The following ITK variants were observed in gnomAD, a reference collection of about 807,000 sequenced individuals.
ITK encodes tyrosine-protein kinase ITK/TSK.
In ITK, 45 loss-of-function variants were observed where a neutral mutation model predicts 87.6. That is an observed-to-expected ratio of 0.51 (90% CI 0.40 to 0.66). The LOEUF (loss-of-function observed/expected upper bound fraction) is 0.66, where lower values mean the gene tolerates loss of function less well. ITK is among the 30% of genes least tolerant of loss of function. The pLI, the probability that ITK is intolerant of heterozygous loss-of-function variation, is 0.00. For synonymous variants in ITK, 303 were observed against 273.6 expected, an observed-to-expected ratio of 1.11 and a Z score of -1.06; for missense variants, 605 against 766.3, an observed-to-expected ratio of 0.79 and a Z score of 2.48.
chr5:157,191,362 A>G (rs1753751089), intron 1 of ITK, among the ~76,000 whole-genome samples: 1 of 152,062 alleles, frequency 6.6e-6, no homozygotes, highest in Non-Finnish European at 1.5e-5. Flanking sequence ...GAGCTCAGAT[A>G]GACAGTAGCA....
At chr5:157,184,714 T>C (rs1753607029) in intron 1 of ITK, among the ~76,000 whole-genome samples, 1 of 152,216 alleles carries the variant, frequency 6.6e-6, no homozygotes. Context: ...CAAGTGATGT[T>C]GAGTATTTCA....
chr5:157,246,184 T>C (rs1297221002), intron 15 of ITK, among the ~76,000 whole-genome samples, 185 bp downstream of exon 15: 1 of 152,220 alleles, frequency 6.6e-6, no homozygotes, highest in South Asian at 2.1e-4. Context: ...TGTTTGTTTT[T>C]AGAGATACTG....
At chr5:157,205,294 T>A (rs1324015301) in intron 1 of ITK, among the ~76,000 whole-genome samples, 1 of 152,152 alleles carries the variant, frequency 6.6e-6, no homozygotes, top group African/African-American at 2.4e-5. Context: ...GGCAGAGACC[T>A]ACTTTAAACA....
rs30119 is a variant in ITK at position 157,240,436 on chromosome 5, C to A, written c.985+241C>A. 419,178 of 561,766 alleles carry A rather than the reference C, an allele frequency of 0.75. 158,108 individuals carry two copies. The highest frequency in any genetic ancestry group is 0.98 in the East Asian group (31,549 of 32,292). 34.8% of individuals were successfully genotyped at this position (561,766 alleles called of 1,614,324 possible). A position where few individuals can be genotyped will look rare whatever the true frequency, so the allele number is the denominator to read the frequency against. ...CTGAAAGCAACCCCCTGCCACATCC[C>A]TCCATGGATAAACTGTCTTCCACAA... is the stretch of plus-strand genomic sequence containing the variant. On this transcript the variant is annotated intron_variant, in intron 10 of 16. Coordinates refer to ENST00000422843, the MANE Select transcript of ITK (RefSeq NM_005546.4).
rs139627352 is a variant in ITK, at chr5:157,189,767, G to A, written c.138+8652G>A. Among the ~76,000 whole-genome samples the A allele has an allele frequency of 2.0e-5, 3 of 152,332 alleles. No homozygotes were observed. The East Asian group carries it at 5.8e-4, about 29-fold the overall frequency. ...ACAAGACATGTAAATATCAAACGTG[G>A]AAATCGTGTCTACAAAAAACTATTT... On this transcript the variant is annotated intron_variant, in intron 1 of 16. Coordinates refer to ENST00000422843, the MANE Select transcript of ITK (RefSeq NM_005546.4).
chr5:157,216,521 G>T (rs1754302179), intron 4 of ITK, among the ~76,000 whole-genome samples: 1 of 152,094 alleles, frequency 6.6e-6, no homozygotes, highest in Non-Finnish European at 1.5e-5. Context: ...ACTTGTATGG[G>T]TCTGGGAAGC....
chr5:157,228,941 C>T (rs1303127520), intron 7 of ITK, among the ~76,000 whole-genome samples: 9 of 151,990 alleles, frequency 5.9e-5, no homozygotes, highest in African/African-American at 1.7e-4. Context: ...AAGATGTGGG[C>T]GTGTCAGATG....
chr5:157,185,530 G>A (rs552791524), intron 1 of ITK, among the ~76,000 whole-genome samples: 4 of 152,080 alleles, frequency 2.6e-5, no homozygotes, highest in South Asian at 2.1e-4. Context: ...GTGAGCCATC[G>A]CGCCTGGCCT....
chr5:157,210,035 C>T (rs762767881), intron 2 of ITK, among the ~76,000 whole-genome samples: 5 of 151,914 alleles, frequency 3.3e-5, no homozygotes, highest in African/African-American at 7.3e-5. Context: ...AAGTGATTCT[C>T]CTGCCTCAGC....
intron 15 of ITK, among the ~76,000 whole-genome samples, chr5:157,246,233 G>A (rs1194981472): frequency 6.6e-6 from 1 of 152,228 alleles, no homozygotes; most frequent in Admixed American, 6.5e-5. Flanking sequence ...GGAAACAAGA[G>A]TTCTGGTGCC....
chr5:157,204,309 C>T (rs1453645154), intron 1 of ITK, among the ~76,000 whole-genome samples: 1 of 152,198 alleles, frequency 6.6e-6, no homozygotes, highest in East Asian at 1.9e-4. Context: ...GCCTGTAATC[C>T]CAGCACTTTG....
In ITK at chr5:157,209,004, C is replaced by A; in HGVS notation, c.243+11C>A. 1 of 1,554,668 alleles carries A rather than the reference C, an allele frequency of 6.4e-7. No homozygotes were observed. The highest frequency in any genetic ancestry group is 8.9e-7 in the Non-Finnish European group (1 of 1,125,828). ...AAATACCCGTTTCAGGTAAGTCCAT[C>A]AGGTGGGTAGTTCCCCATTCCCTGG... On this transcript the variant is annotated intron_variant, in intron 2 of 16. Transcript: ENST00000422843.
chr5:157,220,258 A>AGAGTGAAG (rs1161815151), intron 5 of ITK, among the ~76,000 whole-genome samples: 3 of 152,190 alleles, frequency 2.0e-5, no homozygotes, highest in Non-Finnish European at 4.4e-5. Context: ...ATCCATGGTC[A>AGAGTGAAG]GAGTGAAGGA....
chr5:157,213,341 A>G (rs927663890), intron 3 of ITK, among the ~76,000 whole-genome samples: 5 of 152,230 alleles, frequency 3.3e-5, no homozygotes, highest in Admixed American at 1.3e-4. Flanking sequence ...CGCAGGAATC[A>G]TGGAGATTAC....
chr5:157,214,327 AC>A lies in ITK; in HGVS notation c.454+9del, dbSNP rs768053367. The A allele has an allele frequency of 6.2e-7, 1 of 1,612,144 alleles. No homozygotes were observed. The highest frequency in any genetic ancestry group is 1.3e-5 in the African/African-American group (1 of 74,896). ...ATGATCCAACCAAGAATGGTAAGAGACTGGGAATTCCCTCTAGTTTTTGTGA... is the reference window on the plus strand; with the variant it reads ...ATGATCCAACCAAGAATGGTAAGAGATGGGAATTCCCTCTAGTTTTTGTGA... On this transcript the variant is annotated intron_variant, in intron 4 of 16. Transcript: ENST00000422843.
At position 157,248,879 on chromosome 5, in the gene ITK, G is replaced by A; in HGVS notation, c.1663G>A (p.Gly555Ser). The A allele has an allele frequency of 6.2e-7, 1 of 1,613,988 alleles. No individual in the cohort carries two copies. Among genetic ancestry groups the A allele is most frequent in the African/African-American group, 1.3e-5 (1 of 75,032 alleles). The change falls in exon 16 of 17, where the codon GGC becomes AGC. Residue 555 changes from glycine to serine, a missense_variant. Gly to Ser is a moderately conservative substitution (Grantham distance 56). Transcript: ENST00000422843. The stretch of plus-strand genomic sequence containing the variant: ...GCTGATGTGGGAAGTTTTCAGTGAA[G>A]GCAAAATCCCGTATGAAAACCGAAG... ...GVLMWEVFSE[G>S]KIPYENRSNS...
At chr5:157,201,416 G>A (rs1218355250) in intron 1 of ITK, among the ~76,000 whole-genome samples, 1 of 150,376 alleles carries the variant, frequency 6.6e-6, no homozygotes. Context: ...TCCTGCCTCA[G>A]CCTCCCGAGC....
chr5:157,221,813 C>G (rs761560755), intron 5 of ITK, among the ~76,000 whole-genome samples: 1 of 152,088 alleles, frequency 6.6e-6, no homozygotes, highest in Admixed American at 6.5e-5. Flanking sequence ...CCATAGCACC[C>G]CATTTACACA....
At chr5:157,215,064 G>A (rs1754271753) in intron 4 of ITK, among the ~76,000 whole-genome samples, 2 of 152,184 alleles carry the variant, frequency 1.3e-5, no homozygotes, top group Non-Finnish European at 2.9e-5. Flanking sequence ...CCACTCGAAT[G>A]CATTTCACAT....
Sources: gnomAD v4.1 joint callset for allele counts (sites outside exome capture counted in the v4.1 genomes callset) on GRCh38, gnomAD v4.1.1 for gene constraint, MANE v1.5 for transcripts, NCBI Gene and HGNC (gene_info 2026-07-23, HGNC 2026-07-21) for gene names.